Variants in SKIL observed in about 807,000 individuals in gnomAD.
SKIL encodes the protein SKI like proto-oncogene.
SKIL carries 20 observed loss-of-function variants against 69.6 expected under a neutral mutation model. The observed-to-expected ratio is 0.29, with a 90% CI of 0.20 to 0.42. The LOEUF (loss-of-function observed/expected upper bound fraction) is 0.42. Among genes scored for constraint, SKIL ranks in the 10% least tolerant of loss-of-function variants. The probability of loss-of-function intolerance (pLI) is 1.00; values close to 1 mark genes in which losing one functional copy is unlikely to be tolerated. For synonymous variants in SKIL, 310 were observed against 279.9 expected (o/e 1.11, Z -1.08); for missense variants, 745 against 783.1 (o/e 0.95, Z 0.58).
intron 2 of SKIL, among the ~76,000 whole-genome samples, chr3:170,363,403 T>TGCTGCTACCA (rs1553851665): frequency 2.2e-4 from 34 of 152,334 alleles, no homozygotes; most frequent in African/African-American, 7.7e-4. Context: ...GTTTGCTGCT[T>TGCTGCTACCA]GCTGCTTCCA....
intron 2 of SKIL, among the ~76,000 whole-genome samples, chr3:170,368,135 A>C (rs1736637069): frequency 6.6e-6 from 1 of 152,222 alleles, no homozygotes; most frequent in South Asian, 2.1e-4. Flanking sequence ...TTGGGACAGA[A>C]TGTGATCTAG....
At chr3:170,363,453 G>C (rs888796221) in intron 2 of SKIL, among the ~76,000 whole-genome samples, 3 of 152,072 alleles carry the variant, frequency 2.0e-5, no homozygotes, top group African/African-American at 7.2e-5. Flanking sequence ...GTGGCTGCTA[G>C]ATAAGTTTAT....
intron 2 of SKIL, among the ~76,000 whole-genome samples, chr3:170,362,621 C>G (rs1012099193): frequency 6.6e-6 from 1 of 151,680 alleles, no homozygotes; most frequent in African/African-American, 2.4e-5. Flanking sequence ...TTGAGACCAG[C>G]CTGGCCAACA....
At chr3:170,384,377 GAATTCTTT>G (rs2108218285) in intron 3 of SKIL, among the ~76,000 whole-genome samples, 148 bp from the exon 4 acceptor site, 1 of 151,840 alleles carries the variant, frequency 6.6e-6, no homozygotes, top group South Asian at 2.1e-4. Context: ...TTTTTCCTAA[GAATTCTTT>G]ACTGTGACCT....
rs1030870252 is a variant in SKIL, at chr3:170,396,245, C to A, written c.*3828C>A. The A allele has an allele frequency of 6.6e-6, 1 of 151,896 alleles. No homozygotes were observed. Among genetic ancestry groups the A allele is most frequent in the African/African-American group, 2.4e-5 (1 of 41,376 alleles). The allele number at this position is 151,896 out of a possible 1,614,324, so 9.4% of individuals were successfully genotyped here. ...AAGATTTTTTTCCTCAATATAGATA[C>A]CTCACTTGAAAAGAAAGCACAGCAT... On this transcript the variant is annotated 3_prime_UTR_variant, in exon 7 of 7. Coordinates refer to ENST00000259119, the MANE Select transcript of SKIL (RefSeq NM_005414.5).
intron 4 of SKIL, among the ~76,000 whole-genome samples, chr3:170,389,779 A>T (rs1737817988): frequency 6.6e-6 from 1 of 152,196 alleles, no homozygotes; most frequent in African/African-American, 2.4e-5. Flanking sequence ...GTAGCTTTGT[A>T]GTAAGCTTTG....
At chr3:170,388,744 T>C (rs1043543790) in intron 4 of SKIL, among the ~76,000 whole-genome samples, 9 of 152,172 alleles carry the variant, frequency 5.9e-5, no homozygotes, top group Admixed American at 2.0e-4. Flanking sequence ...TAGTGTTCTT[T>C]GAAGCACAAA....
At chr3:170,386,717 G>T (rs910755277) in intron 4 of SKIL, among the ~76,000 whole-genome samples, 2 of 152,216 alleles carry the variant, frequency 1.3e-5, no homozygotes, top group East Asian at 3.9e-4. Context: ...TGATCCTCCT[G>T]CCTTGGCCTC....
chr3:170,396,010 G>GTTTT lies in SKIL; in HGVS notation c.*3606_*3609dup, dbSNP rs11337003. 2 of 126,310 alleles carry GTTTT rather than the reference G, an allele frequency of 1.6e-5. No homozygotes were observed. The highest frequency in any genetic ancestry group is 3.3e-5 in the Non-Finnish European group (2 of 59,848). 7.8% of individuals were successfully genotyped at this position (126,310 alleles called of 1,614,324 possible). On this transcript the variant is annotated 3_prime_UTR_variant, in exon 7 of 7. Transcript: ENST00000259119. ...ATATTGCATTTCATTTAAAAGGACA[G>GTTTT]TTTTTTTTTTTTTTTTGTAAATCCA...
intron 2 of SKIL, among the ~76,000 whole-genome samples, chr3:170,377,446 C>T (rs1737086794): frequency 6.9e-6 from 1 of 145,334 alleles, no homozygotes; most frequent in Non-Finnish European, 1.5e-5. Flanking sequence ...TAGAGACCTT[C>T]ACTGAATATT....
intron 2 of SKIL, among the ~76,000 whole-genome samples, chr3:170,367,324 A>G (rs1027457140): frequency 1.3e-5 from 2 of 151,860 alleles, no homozygotes; most frequent in African/African-American, 4.8e-5. Flanking sequence ...GTTAGCCAGG[A>G]TGGTCTCGAT....
In SKIL at chr3:170,394,603, T is replaced by C. The variant is rs576526400; in HGVS notation, c.*2186T>C. The C allele has an allele frequency of 8.2e-4, 125 of 152,318 alleles. No homozygotes were observed. Among genetic ancestry groups the C allele is most frequent in the African/African-American group, 3.0e-3 (123 of 41,580 alleles). 9.4% of individuals were successfully genotyped at this position (152,318 alleles called of 1,614,324 possible). ...TAAGCAGTGCTTAAACACCATTAAATTATTATGAACTTGTAATTCAGAATT... is the reference window on the plus strand; with the variant it reads ...TAAGCAGTGCTTAAACACCATTAAACTATTATGAACTTGTAATTCAGAATT... On this transcript the variant is annotated 3_prime_UTR_variant, in exon 7 of 7. Coordinates refer to ENST00000259119, the MANE Select transcript of SKIL (RefSeq NM_005414.5).
chr3:170,391,373 A>G, intron 6 of SKIL, 113 bp downstream of exon 6: 1 of 641,626 alleles, frequency 1.6e-6, no homozygotes, highest in Non-Finnish European at 2.7e-6. Context: ...GCTGGAGTGC[A>G]GTGGCACAAT....
intron 2 of SKIL, among the ~76,000 whole-genome samples, chr3:170,376,817 C>T (rs1737057001): frequency 6.6e-6 from 1 of 152,204 alleles, no homozygotes; most frequent in African/African-American, 2.4e-5. Context: ...CTGAAGCAGT[C>T]TGCCCACTTT....
rs200487211 is a variant in SKIL, at chr3:170,384,760, G to A, written c.1424G>A (p.Arg475His). 2.0e-4 allele frequency: 290 copies of A among 1,468,226 alleles called. 2 individuals carry two copies. The highest frequency in any genetic ancestry group is 1.2e-3 in the South Asian group (103 of 85,868). 90.9% of individuals were successfully genotyped at this position (1,468,226 alleles called of 1,614,324 possible). ...AAAACAAGTAGAGAATTATGTAGCC[G>A]TTTAGGTAAGTATTCAGAGATTATC... is the stretch of plus-strand genomic sequence containing the variant. ...DLKTSRELCS[R>H]LDASISNNST... The change falls in exon 4 of 7, where the codon CGT (arginine) becomes CAT (histidine). Residue 475 changes from arginine (R) to histidine (H), a missense_variant. Arg to His is a conservative substitution (Grantham distance 29). Coordinates refer to ENST00000259119, the MANE Select transcript of SKIL (RefSeq NM_005414.5).
rs1738067948 is a variant in SKIL at position 170,394,114 on chromosome 3, AATTTTTTTTTTTTTTTTTTT to A, written c.*1698_*1717del. On this transcript the variant is annotated 3_prime_UTR_variant, in exon 7 of 7. Transcript: ENST00000259119. ...AATATTAAAATGACATGTAGAAACAAATTTTTTTTTTTTTTTTTTTTTTTTTTTTTTTGAGACAGAGTCTC... is the reference window on the plus strand; with the variant it reads ...AATATTAAAATGACATGTAGAAACAATTTTTTTTTTTTGAGACAGAGTCTC... 7.6e-6 allele frequency: 1 copy of A among 131,666 alleles called. No individual in the cohort carries two copies. Among genetic ancestry groups the A allele is most frequent in the African/African-American group, 3.1e-5 (1 of 32,372 alleles). The allele number at this position is 131,666 out of a possible 1,614,324, so 8.2% of individuals were successfully genotyped here. A position where few individuals can be genotyped will look rare whatever the true frequency, so the allele number is the denominator to read the frequency against.
intron 4 of SKIL, 185 bp downstream of exon 4, chr3:170,384,950 G>C: frequency 4.2e-6 from 2 of 476,180 alleles, no homozygotes; most frequent in South Asian, 3.0e-5. Flanking sequence ...TTTCTAGCGT[G>C]GTGATAGCTC....
At chr3:170,365,846 C>T (rs1736480231) in intron 2 of SKIL, among the ~76,000 whole-genome samples, 1 of 150,272 alleles carries the variant, frequency 6.7e-6, no homozygotes, top group South Asian at 2.1e-4. Context: ...ACCTCCGCCT[C>T]CTGGATTCAA....
intron 3 of SKIL, 21 bp from the exon 4 acceptor site, chr3:170,384,512 T>C: frequency 8.8e-7 from 1 of 1,142,044 alleles, no homozygotes; most frequent in East Asian, 2.4e-5. Context: ...TATGTCTTGT[T>C]TTGCTTTTAC....
Sources: allele counts gnomAD v4.1 joint callset (sites outside exome capture counted in the v4.1 genomes callset), GRCh38; gene constraint gnomAD v4.1.1; transcripts MANE v1.5; gene names NCBI Gene and HGNC (gene_info 2026-07-23, HGNC 2026-07-21).